The following N4BP2 variants were observed in gnomAD, a reference collection of about 807,000 sequenced individuals.
N4BP2 encodes NEDD4-binding protein 2.
A neutral mutation model predicts 152.8 loss-of-function variants in N4BP2; 91 were observed. The ratio of observed to expected loss-of-function variants is 0.60; its 90% confidence interval spans 0.50 to 0.71. The LOEUF is 0.71. N4BP2 is among the 30% of genes least tolerant of loss of function. N4BP2 has a pLI of 0.00. For synonymous variants in N4BP2, 646 were observed against 705.3 expected (o/e 0.92, Z 1.33); for missense variants, 1,923 against 2,059.1 (o/e 0.93, Z 1.28).
Position 40,097,128 on chromosome 4 carries a change from A to T in N4BP2, c.-114-99A>T, listed in dbSNP as rs181145879. The T allele has an allele frequency of 1.0e-5, 5 of 487,370 alleles. No homozygotes were observed. In the Admixed American group the frequency reaches 1.1e-4, roughly 11 times the overall value. The allele number at this position is 487,370 out of a possible 1,614,324, so 30.2% of individuals were successfully genotyped here. Reference sequence around the variant, plus strand: ...GACTACTTTTTAGCTCTGCTGTTAGAGTTGGTGGTACTTTCTTAGAGCTAA... The same window carrying T: ...GACTACTTTTTAGCTCTGCTGTTAGTGTTGGTGGTACTTTCTTAGAGCTAA... On this transcript the variant is annotated intron_variant, in intron 2 of 17. Coordinates refer to ENST00000261435, the MANE Select transcript of N4BP2 (RefSeq NM_018177.6).
Position 40,126,205 on chromosome 4 carries a change from T to C in N4BP2, c.4402T>C (p.Leu1468=). ...ATCATCTCAGAGAACAGGCAAAAAATTACTGAAGACTTTAACAGCATCTGA... is the reference window on the plus strand; with the variant it reads ...ATCATCTCAGAGAACAGGCAAAAAACTACTGAAGACTTTAACAGCATCTGA... ...QKSSQRTGKK[L]LKTLTASEML... is the part of the protein sequence containing the mutation. The change falls in exon 12 of 18, where the codon TTA becomes CTA. Residue 1468 remains leucine, a synonymous_variant. Coordinates refer to ENST00000261435, the MANE Select transcript of N4BP2 (RefSeq NM_018177.6). The C allele has an allele frequency of 6.2e-7, 1 of 1,609,184 alleles. No homozygotes were observed. Among genetic ancestry groups the C allele is most frequent in the Non-Finnish European group, 8.5e-7 (1 of 1,178,370 alleles).
At chr4:40,183,605 G>T in the N4BP2 span, among the ~76,000 whole-genome samples, 1 of 152,146 alleles carries the variant, frequency 6.6e-6, no homozygotes, top group Non-Finnish European at 1.5e-5. Flanking sequence ...CAAAGTGCCG[G>T]GATTACAGGC....
At chr4:40,080,335 C>CAT (rs1713229304) in intron 2 of N4BP2, among the ~76,000 whole-genome samples, 1 of 149,650 alleles carries the variant, frequency 6.7e-6, no homozygotes, top group Non-Finnish European at 1.5e-5. Flanking sequence ...TACACACACA[C>CAT]ATATATATGT....
chr4:40,109,273 G>C (rs1182741646), intron 5 of N4BP2, among the ~76,000 whole-genome samples: 1 of 152,074 alleles, frequency 6.6e-6, no homozygotes, highest in East Asian at 1.9e-4. Flanking sequence ...AGTATGATTT[G>C]GTGATGAAGA....
At chr4:40,163,635 A>G in the N4BP2 span, among the ~76,000 whole-genome samples, 1 of 152,222 alleles carries the variant, frequency 6.6e-6, no homozygotes, top group South Asian at 2.1e-4. Flanking sequence ...CCTTGTTGAA[A>G]CCATGAAGAG....
At chr4:40,178,376 TG>T in the N4BP2 span, among the ~76,000 whole-genome samples, 1 of 151,582 alleles carries the variant, frequency 6.6e-6, no homozygotes, top group African/African-American at 2.4e-5. Context: ...GATATATAAA[TG>T]TTGTAGGAAA....
At chr4:40,115,370 G>A (rs924809577) in intron 7 of N4BP2, among the ~76,000 whole-genome samples, 11 of 152,030 alleles carry the variant, frequency 7.2e-5, no homozygotes, top group Non-Finnish European at 1.3e-4. Flanking sequence ...GGTGGCGTTC[G>A]CCTGTGGTCC....
chr4:40,148,187 G>A (rs552437834), intron 16 of N4BP2, among the ~76,000 whole-genome samples: 33 of 152,354 alleles, frequency 2.2e-4, no homozygotes, highest in Non-Finnish European at 3.5e-4. Context: ...ACGAGACTCC[G>A]TCTGCAATCC....
At chr4:40,152,409 T>C (rs1180225151) in intron 16 of N4BP2, among the ~76,000 whole-genome samples, 2 of 152,244 alleles carry the variant, frequency 1.3e-5, no homozygotes, top group Non-Finnish European at 2.9e-5. Flanking sequence ...TATAAGCCAC[T>C]TAAAGCAGTA....
chr4:40,100,987 A>T (rs1237632951), intron 3 of N4BP2, among the ~76,000 whole-genome samples: 2 of 151,790 alleles, frequency 1.3e-5, no homozygotes, highest in Admixed American at 1.3e-4. Flanking sequence ...CACCCAATCG[A>T]CCTCCTTCTA....
At chr4:40,137,972 A>G (rs960900168) in intron 14 of N4BP2, among the ~76,000 whole-genome samples, 3 of 152,140 alleles carry the variant, frequency 2.0e-5, no homozygotes, top group Non-Finnish European at 4.4e-5. Flanking sequence ...TTCCAAATGA[A>G]AGGCGTGCTC....
chr4:40,075,927 A>G (rs1039201051), intron 2 of N4BP2, among the ~76,000 whole-genome samples: 3 of 152,088 alleles, frequency 2.0e-5, no homozygotes, highest in African/African-American at 7.2e-5. Flanking sequence ...CTCAGGCCCA[A>G]ACAATCCTCC....
At chr4:40,148,797 C>T (rs977296937) in intron 16 of N4BP2, among the ~76,000 whole-genome samples, 1 of 152,214 alleles carries the variant, frequency 6.6e-6, no homozygotes, top group Non-Finnish European at 1.5e-5. Context: ...GCCTGAGCCA[C>T]TGTGCCTGGT....
At position 40,154,769 on chromosome 4, in the gene N4BP2, G is replaced by A. The variant is rs1721458630; in HGVS notation, c.*532G>A. ...GCTTTTATTTTGCCATATCCTACAG[G>A]AAGGAAGACATGCTTTTGCCCTTTC... On this transcript the variant is annotated 3_prime_UTR_variant, in exon 18 of 18. Coordinates refer to ENST00000261435, the MANE Select transcript of N4BP2 (RefSeq NM_018177.6). 1 of 152,830 alleles carries A rather than the reference G, an allele frequency of 6.5e-6. No homozygotes were observed. Among genetic ancestry groups the A allele is most frequent in the South Asian group, 2.1e-4 (1 of 4,844 alleles). The allele number at this position is 152,830 out of a possible 1,614,324, so 9.5% of individuals were successfully genotyped here.
At chr4:40,109,527 G>T (rs1197839465) in intron 5 of N4BP2, among the ~76,000 whole-genome samples, 1 of 152,030 alleles carries the variant, frequency 6.6e-6, no homozygotes, top group Non-Finnish European at 1.5e-5. Context: ...AGACCACCCT[G>T]GCTAACATGG....
Position 40,147,370 on chromosome 4 carries a change from T to A in N4BP2, c.5143+2570T>A, listed in dbSNP as rs1370426784. Among the ~76,000 whole-genome samples the A allele has an allele frequency of 2.6e-5, 4 of 152,348 alleles. No individual in the cohort carries two copies. In the East Asian group the frequency reaches 7.7e-4, roughly 29 times the overall value. On this transcript the variant is annotated intron_variant, in intron 16 of 17. Coordinates refer to ENST00000261435, the MANE Select transcript of N4BP2 (RefSeq NM_018177.6). ...CAATCTTTTCCCCCACCTTTTCCCC[T>A]TTTCTATTCCACAAAACCGCCATTG... is the stretch of plus-strand genomic sequence containing the variant.
At chr4:40,087,731 C>T (rs557826234) in intron 2 of N4BP2, among the ~76,000 whole-genome samples, 28 of 152,024 alleles carry the variant, frequency 1.8e-4, no homozygotes, top group African/African-American at 6.5e-4. Flanking sequence ...TTCAATATAG[C>T]CTTTTAGGAC....
intron 1 of N4BP2, among the ~76,000 whole-genome samples, chr4:40,072,637 G>A (rs893148456): frequency 6.6e-6 from 1 of 151,046 alleles, no homozygotes; most frequent in East Asian, 2.0e-4. Context: ...ATCCCTCCCT[G>A]TACCCCCCCA....
chr4:40,103,856 G>A (rs185260874), intron 4 of N4BP2, among the ~76,000 whole-genome samples: 45 of 152,212 alleles, frequency 3.0e-4, no homozygotes, highest in Non-Finnish European at 4.9e-4. Flanking sequence ...CTTTGTAATG[G>A]TTTCAGTGGC....
Sources: gnomAD v4.1 joint callset for allele counts (sites outside exome capture counted in the v4.1 genomes callset) on GRCh38, gnomAD v4.1.1 for gene constraint, MANE v1.5 for transcripts, NCBI Gene and HGNC (gene_info 2026-07-23, HGNC 2026-07-21) for gene names.